The following ST8SIA2 variants were observed in gnomAD, a reference collection of about 807,000 sequenced individuals.
ST8SIA2 encodes the protein alpha-2,8-sialyltransferase 8B.
A neutral mutation model predicts 37.6 loss-of-function variants in ST8SIA2; 22 were observed. That is an observed-to-expected ratio of 0.58 (90% CI 0.42 to 0.83). The LOEUF is 0.83. ST8SIA2 is among the 40% of genes least tolerant of loss of function. ST8SIA2 has a pLI of 0.00. For missense variants in ST8SIA2, 382 were observed against 484.7 expected (o/e 0.79, Z 1.99); for synonymous variants, 205 against 201.2 (o/e 1.02, Z -0.16).
intron 4 of ST8SIA2, among the ~76,000 whole-genome samples, chr15:92,442,620 C>G (rs1038654715): frequency 6.6e-6 from 1 of 152,108 alleles, no homozygotes; most frequent in African/African-American, 2.4e-5. Flanking sequence ...CTGGCTCAGC[C>G]GGGTTTCAAG....
chr15:92,396,347 A>G (rs1399872020), intron 1 of ST8SIA2, among the ~76,000 whole-genome samples: 1 of 152,194 alleles, frequency 6.6e-6, no homozygotes, highest in African/African-American at 2.4e-5. Context: ...ATCCAGAGGA[A>G]TGGAGGCATA....
intron 2 of ST8SIA2, among the ~76,000 whole-genome samples, chr15:92,432,459 A>G (rs1367420222): frequency 1.3e-5 from 2 of 152,214 alleles, no homozygotes; most frequent in Non-Finnish European, 2.9e-5. Context: ...CGAGATGGAT[A>G]TCTGTCTCTT....
At position 92,399,328 on chromosome 15, in the gene ST8SIA2, G is replaced by C. The variant is rs1265726025; in HGVS notation, c.98+5166G>C. Among the ~76,000 whole-genome samples, 4 of 152,324 alleles carry C rather than the reference G, an allele frequency of 2.6e-5. 1 individual carries two copies. Among genetic ancestry groups the C allele is most frequent in the African/African-American group, 9.6e-5 (4 of 41,558 alleles). On this transcript the variant is annotated intron_variant, in intron 1 of 5. Coordinates refer to ENST00000268164, the MANE Select transcript of ST8SIA2 (RefSeq NM_006011.4). ...AATGGACATCTGACCCATCAGAACT[G>C]ATGCCATCCAGTACACCACGGCCAG...
chr15:92,439,279 G>A (rs1272616357), intron 4 of ST8SIA2, among the ~76,000 whole-genome samples: 1 of 132,580 alleles, frequency 7.5e-6, no homozygotes, highest in African/African-American at 2.5e-5. Context: ...CAAAATCTGG[G>A]AAGTGCGGGA....
chr15:92,419,731 A>C (rs1222462172), intron 1 of ST8SIA2, among the ~76,000 whole-genome samples: 1 of 152,148 alleles, frequency 6.6e-6, no homozygotes, highest in African/African-American at 2.4e-5. Flanking sequence ...TCTGCCCACA[A>C]CTTTTCACTA....
chr15:92,401,183 A>G (rs2049467955), intron 1 of ST8SIA2, among the ~76,000 whole-genome samples: 1 of 152,150 alleles, frequency 6.6e-6, no homozygotes, highest in Admixed American at 6.5e-5. Context: ...CAGCTGGGTG[A>G]GTCAGGTGGC....
intron 5 of ST8SIA2, among the ~76,000 whole-genome samples, chr15:92,449,851 C>A (rs1426507302): frequency 6.6e-6 from 1 of 151,932 alleles, no homozygotes; most frequent in Non-Finnish European, 1.5e-5. Flanking sequence ...ATGGGGTTGT[C>A]TTTTGCTTGT....
At chr15:92,452,867 G>A (rs1036270398) in intron 5 of ST8SIA2, among the ~76,000 whole-genome samples, 1 of 152,108 alleles carries the variant, frequency 6.6e-6, no homozygotes, top group African/African-American at 2.4e-5. Flanking sequence ...AAAGTAAATT[G>A]CCCAATTGGA....
At chr15:92,429,354 C>T (rs533217867) in intron 1 of ST8SIA2, among the ~76,000 whole-genome samples, 1 of 152,224 alleles carries the variant, frequency 6.6e-6, no homozygotes, top group African/African-American at 2.4e-5. Context: ...TGTGGCCAGA[C>T]AGAATGGGAT....
At chr15:92,431,093 C>T (rs8038121) in intron 2 of ST8SIA2, among the ~76,000 whole-genome samples, 8,630 of 152,172 alleles carry the variant, frequency 0.057, 812 homozygotes, top group African/African-American at 0.2. Flanking sequence ...GAATGAAGCC[C>T]GTGTTATGCC....
chr15:92,414,236 A>G (rs2049570595), intron 1 of ST8SIA2, among the ~76,000 whole-genome samples: 1 of 151,726 alleles, frequency 6.6e-6, no homozygotes, highest in African/African-American at 2.4e-5. Flanking sequence ...CCCTGCACAC[A>G]CTCCCCTTGC....
In ST8SIA2 at chr15:92,434,446, C is replaced by T. The variant is rs866171312; in HGVS notation, c.290+71C>T. On this transcript the variant is annotated intron_variant, in intron 3 of 5. Coordinates refer to ENST00000268164, the MANE Select transcript of ST8SIA2 (RefSeq NM_006011.4). Reference sequence around the variant, plus strand: ...CATACACGGGCAAATTGCTTCTCTTCGTCATCTAAAGAAGTCAGGATAGAA... The same window carrying T: ...CATACACGGGCAAATTGCTTCTCTTTGTCATCTAAAGAAGTCAGGATAGAA... 221 of 1,602,702 alleles carry T rather than the reference C, an allele frequency of 1.4e-4. 1 individual carries two copies. In the Middle Eastern group the frequency reaches 2.2e-3, roughly 16 times the overall value.
At chr15:92,462,236 G>A (rs749890427) in intron 5 of ST8SIA2, among the ~76,000 whole-genome samples, 7 of 152,308 alleles carry the variant, frequency 4.6e-5, no homozygotes, top group East Asian at 3.9e-4. Flanking sequence ...GGGATGGGGG[G>A]TGTGAGAATG....
chr15:92,440,553 T>C (rs916368305), intron 4 of ST8SIA2, among the ~76,000 whole-genome samples: 3 of 152,204 alleles, frequency 2.0e-5, no homozygotes, highest in African/African-American at 7.2e-5. Flanking sequence ...AAAAGTGCAG[T>C]TGTTCTTTGT....
At chr15:92,426,803 T>G (rs1185293908) in intron 1 of ST8SIA2, among the ~76,000 whole-genome samples, 1 of 152,198 alleles carries the variant, frequency 6.6e-6, no homozygotes, top group East Asian at 1.9e-4. Flanking sequence ...AAATGGTAAG[T>G]GTGGGCTGGG....
intron 5 of ST8SIA2, among the ~76,000 whole-genome samples, chr15:92,455,856 C>T (rs903453270): frequency 2.0e-5 from 3 of 152,216 alleles, no homozygotes; most frequent in African/African-American, 7.2e-5. Context: ...AGGTAGGTAT[C>T]GATTCATATC....
chr15:92,460,883 C>T (rs1013515272), intron 5 of ST8SIA2, among the ~76,000 whole-genome samples: 33 of 152,290 alleles, frequency 2.2e-4, no homozygotes, highest in Admixed American at 5.2e-4. Context: ...TCCTCGTGCC[C>T]TGTGTGGAGC....
At chr15:92,447,749 A>ATG (rs1175513171) in intron 5 of ST8SIA2, among the ~76,000 whole-genome samples, 3 of 152,172 alleles carry the variant, frequency 2.0e-5, no homozygotes, top group Non-Finnish European at 4.4e-5. Flanking sequence ...GAGCAGCCAC[A>ATG]TGTGTGTCTG....
chr15:92,395,726 G>C (rs1213543778), intron 1 of ST8SIA2, among the ~76,000 whole-genome samples: 2 of 152,210 alleles, frequency 1.3e-5, no homozygotes, highest in African/African-American at 2.4e-5. Flanking sequence ...GCGGTGAGGA[G>C]GGCCTTCCTC....
Sources: gnomAD v4.1 joint callset for allele counts (sites outside exome capture counted in the v4.1 genomes callset) on GRCh38, gnomAD v4.1.1 for gene constraint, MANE v1.5 for transcripts, NCBI Gene and HGNC (gene_info 2026-07-23, HGNC 2026-07-21) for gene names.